ADAM28: variants seen among roughly 807,000 people sequenced by gnomAD.
The protein encoded by ADAM28 is ADAM metallopeptidase domain 28, also known as disintegrin and metalloproteinase domain-containing protein 28.
A neutral mutation model predicts 101.2 loss-of-function variants in ADAM28; 105 were observed. That is an observed-to-expected ratio of 1.04 (90% CI 0.89 to 1.22). The LOEUF (loss-of-function observed/expected upper bound fraction) is 1.22. Among genes scored for constraint, ADAM28 ranks in the 50% most tolerant of loss-of-function variants. The probability of loss-of-function intolerance (pLI) is 0.00; values close to 1 mark genes in which losing one functional copy is unlikely to be tolerated. For missense variants in ADAM28, 1,028 were observed against 945.4 expected (o/e 1.09, Z -1.15); for synonymous variants, 322 against 310.6 (o/e 1.04, Z -0.39).
chr8:24,337,307 G>C (rs568568311), intron 14 of ADAM28, among the ~76,000 whole-genome samples: 11 of 152,346 alleles, frequency 7.2e-5, no homozygotes, highest in African/African-American at 2.6e-4. Context: ...GCTAACTTCA[G>C]TATACGGCAA....
At chr8:24,320,345 C>T (rs774768263) in intron 7 of ADAM28, 38 bp downstream of exon 7, 4 of 1,293,570 alleles carry the variant, frequency 3.1e-6, no homozygotes, top group East Asian at 2.4e-5. Context: ...TTCCAAAACT[C>T]CCACCCACAT....
intron 8 of ADAM28, chr8:24,321,591 CA>C: frequency 2.6e-6 from 1 of 385,922 alleles, no homozygotes; most frequent in Non-Finnish European, 4.8e-6. Flanking sequence ...GACCAAATCC[CA>C]ACAGAAAGCT....
intron 14 of ADAM28, among the ~76,000 whole-genome samples, chr8:24,337,097 C>A (rs1486340592): frequency 1.3e-5 from 2 of 152,188 alleles, no homozygotes; most frequent in Admixed American, 6.5e-5. Flanking sequence ...CCTAGAAAAA[C>A]CTCCCTGTAA....
Position 24,294,199 on chromosome 8 carries a change from C to T in ADAM28, c.46+4C>T, listed in dbSNP as rs766882261. Reference sequence around the variant, plus strand: ...AGTCTCCTCCTCTCTGTTGCAGGTACATATTTAGCTCTTTTTCAGGTTCTA... The same window carrying T: ...AGTCTCCTCCTCTCTGTTGCAGGTATATATTTAGCTCTTTTTCAGGTTCTA... On this transcript the variant is annotated splice_donor_region_variant and intron_variant, in intron 1 of 22. Transcript: ENST00000265769. 1 of 1,613,938 alleles carries T rather than the reference C, an allele frequency of 6.2e-7. No homozygotes were observed. The highest frequency in any genetic ancestry group is 8.5e-7 in the Non-Finnish European group (1 of 1,179,932).
At chr8:24,332,527 A>C in intron 12 of ADAM28, 133 bp from the exon 13 acceptor site, 1 of 416,892 alleles carries the variant, frequency 2.4e-6, no homozygotes, top group Non-Finnish European at 4.3e-6. Context: ...AATTTTTTTT[A>C]TATTTTTTGA....
In ADAM28 at chr8:24,332,921, T is replaced by G. The variant is rs188175552; in HGVS notation, c.1371+172T>G. ...TTCTACACACATGGCCTATTGAATCTTCCAGTGATCCTTCACAGTAGATAT... is the reference window on the plus strand; with the variant it reads ...TTCTACACACATGGCCTATTGAATCGTCCAGTGATCCTTCACAGTAGATAT... On this transcript the variant is annotated intron_variant, in intron 13 of 22. Coordinates refer to ENST00000265769, the MANE Select transcript of ADAM28 (RefSeq NM_014265.6). Among the ~76,000 whole-genome samples the G allele has an allele frequency of 4.6e-4, 70 of 152,332 alleles. No homozygotes were observed. In the East Asian group the frequency reaches 0.012, roughly 26 times the overall value.
At chr8:24,317,565 T>C (rs976674506) in intron 6 of ADAM28, among the ~76,000 whole-genome samples, 5 of 151,976 alleles carry the variant, frequency 3.3e-5, no homozygotes, top group South Asian at 4.1e-4. Flanking sequence ...ATGTAATACC[T>C]AAAACCATAA....
At chr8:24,305,180 ACT>A (rs1187304348) in intron 2 of ADAM28, among the ~76,000 whole-genome samples, 1 of 150,226 alleles carries the variant, frequency 6.7e-6, no homozygotes, top group Non-Finnish European at 1.5e-5. Context: ...CATTTAGGGG[ACT>A]CTATATTTAG....
intron 19 of ADAM28, 139 bp from the exon 20 acceptor site, chr8:24,351,093 C>A: frequency 1.8e-6 from 1 of 565,948 alleles, no homozygotes. Context: ...TAAAAACTGA[C>A]CCAGGGAGCA....
intron 11 of ADAM28, among the ~76,000 whole-genome samples, chr8:24,330,495 A>C (rs1813226836): frequency 6.6e-6 from 1 of 152,202 alleles, no homozygotes; most frequent in African/African-American, 2.4e-5. Flanking sequence ...CTATGAAAAG[A>C]CATCACACAT....
intron 10 of ADAM28, 80 bp downstream of exon 10, chr8:24,326,715 A>G: frequency 7.3e-7 from 1 of 1,361,780 alleles, no homozygotes. Context: ...GAAGATCATG[A>G]TAGTTTTTCT....
rs1816543057 is a variant in ADAM28 at position 24,354,494 on chromosome 8, CA to C, written c.*91del. ...CAGAGAAATATACTATCTATCTCACCAGTATTTGCTCTCGACTCAAGAAGGT... is the reference window on the plus strand; with the variant it reads ...CAGAGAAATATACTATCTATCTCACCGTATTTGCTCTCGACTCAAGAAGGT... On this transcript the variant is annotated 3_prime_UTR_variant, in exon 23 of 23. Transcript: ENST00000265769. 6.6e-6 allele frequency: 9 copies of C among 1,361,370 alleles called. No homozygotes were observed. The highest frequency in any genetic ancestry group is 8.1e-6 in the Non-Finnish European group (8 of 992,598). 84.3% of individuals were successfully genotyped at this position (1,361,370 alleles called of 1,614,324 possible).
intron 21 of ADAM28, among the ~76,000 whole-genome samples, chr8:24,353,453 A>AT (rs1315520575): frequency 4.6e-5 from 7 of 152,052 alleles, no homozygotes; most frequent in African/African-American, 1.7e-4. Context: ...GAAATTTCAC[A>AT]TTTTTAGTGA....
intron 1 of ADAM28, among the ~76,000 whole-genome samples, chr8:24,295,431 C>G (rs1326931632): frequency 3.9e-5 from 6 of 152,036 alleles, no homozygotes; most frequent in Non-Finnish European, 5.9e-5. Context: ...TAACATTGAC[C>G]TGAAATTCCT....
At chr8:24,321,519 G>A (rs1043591606) in intron 8 of ADAM28, 9 of 516,316 alleles carry the variant, frequency 1.7e-5, no homozygotes, top group Non-Finnish European at 3.2e-5. Flanking sequence ...TCAGGTATAA[G>A]AAGACATAAA....
chr8:24,335,531 C>G lies in ADAM28; in HGVS notation c.1457C>G (p.Pro486Arg). The change falls in exon 14 of 23, where the codon CCT becomes CGT. Residue 486 changes from proline to arginine, a missense_variant. Pro to Arg is a moderately radical substitution (Grantham distance 103). Transcript: ENST00000265769. ...EMCNGKSGNC[P>R]DDRFQVNGFP... is the part of the protein sequence containing the mutation. ...TGTAATGGTAAATCTGGTAATTGTCCTGATGATAGATTCCAAGTCAATGGC... is the reference window on the plus strand; with the variant it reads ...TGTAATGGTAAATCTGGTAATTGTCGTGATGATAGATTCCAAGTCAATGGC... The G allele has an allele frequency of 6.2e-7, 1 of 1,614,102 alleles. No individual in the cohort carries two copies.
intron 2 of ADAM28, among the ~76,000 whole-genome samples, chr8:24,306,361 T>TAAATATATATATATATATATATTTAA (rs1563270477): frequency 7.8e-5 from 9 of 115,390 alleles, no homozygotes; most frequent in Admixed American, 3.4e-4. Context: ...AATAAATAAA[T>TAAATATATATATATATATATATTTAA]AAATATATAT....
Position 24,326,575 on chromosome 8 carries a change from G to A in ADAM28, c.912G>A (p.Thr304=), listed in dbSNP as rs113950884. The A allele has an allele frequency of 6.8e-6, 11 of 1,611,808 alleles. No individual in the cohort carries two copies. The highest frequency in any genetic ancestry group is 5.5e-5 in the South Asian group (5 of 90,888). ...QLITATELAG[T]TVGLAFMSTM... The stretch of plus-strand genomic sequence containing the variant: ...GCAGAGCAACAGAACTTGCTGGAAC[G>A]ACTGTGGGTCTTGCATTTATGTCTA... The change falls in exon 10 of 23, where the codon ACG becomes ACA. Residue 304 remains threonine (T), a synonymous_variant. Transcript: ENST00000265769.
intron 10 of ADAM28, among the ~76,000 whole-genome samples, chr8:24,327,178 G>T: frequency 6.6e-6 from 1 of 151,998 alleles, no homozygotes; most frequent in African/African-American, 2.4e-5. Flanking sequence ...TCCTTAAGCT[G>T]GTAAGCAACT....
Sources: gnomAD v4.1 joint callset for allele counts (sites outside exome capture counted in the v4.1 genomes callset) on GRCh38, gnomAD v4.1.1 for gene constraint, MANE v1.5 for transcripts, NCBI Gene and HGNC (gene_info 2026-07-23, HGNC 2026-07-21) for gene names.